Variants in EXOSC10 observed in about 807,000 individuals in gnomAD.
EXOSC10 encodes exosome component 10.
In EXOSC10, 94 loss-of-function variants were observed where a neutral mutation model predicts 126.6. The ratio of observed to expected loss-of-function variants is 0.74; its 90% CI spans 0.63 to 0.88. EXOSC10 has a LOEUF of 0.88. Among genes scored for constraint, EXOSC10 ranks in the 40% least tolerant of loss-of-function variants. The pLI is 0.00. For synonymous variants in EXOSC10, 395 were observed against 400.8 expected (o/e 0.99, Z 0.17); for missense variants, 1,041 against 1,100.5 (o/e 0.95, Z 0.77).
rs1247938708 is a variant in EXOSC10 at position 11,076,895 on chromosome 1, TATC to T, written c.1930_1932del (p.Asp644del). The T allele has an allele frequency of 3.7e-6, 6 of 1,614,040 alleles. No individual in the cohort carries two copies. Among genetic ancestry groups the T allele is most frequent in the Non-Finnish European group, 5.1e-6 (6 of 1,180,046 alleles). Reference sequence around the variant, plus strand: ...ATCAGGCATGTGGTACCCAGCAAGTTATCTTCTTTTTCATCAGGGAAGAGGCTC... The same window carrying T: ...ATCAGGCATGTGGTACCCAGCAAGTTTTCTTTTTCATCAGGGAAGAGGCTC... On this transcript the variant is annotated inframe_deletion, in exon 17 of 25. Transcript: ENST00000376936.
chr1:11,082,440 G>A, intron 10 of EXOSC10: 2 of 857,068 alleles, frequency 2.3e-6, no homozygotes, highest in Non-Finnish European at 3.3e-6. Flanking sequence ...AAATACTGGT[G>A]CGGCACCTCT....
rs892169168 is a variant in EXOSC10 at position 11,077,666 on chromosome 1, G to A, written c.1750-15C>T. ...GCAACTTCAGACTAAGGAAAAAAACGAAGGGAATTGAGGAAAGTTGCCCAA... is the reference window on the plus strand; with the variant it reads ...GCAACTTCAGACTAAGGAAAAAAACAAAGGGAATTGAGGAAAGTTGCCCAA... On this transcript the variant is annotated splice_polypyrimidine_tract_variant and intron_variant, in intron 14 of 24. Transcript: ENST00000376936. 6.2e-6 allele frequency: 10 copies of A among 1,602,460 alleles called. No homozygotes were observed. The highest frequency in any genetic ancestry group is 4.0e-5 in the African/African-American group (3 of 74,678).
chr1:11,080,476 T>A (rs1640080984), intron 13 of EXOSC10, 23 bp downstream of exon 13: 1 of 1,612,698 alleles, frequency 6.2e-7, no homozygotes, highest in African/African-American at 1.3e-5. Flanking sequence ...AGTCAGAACA[T>A]ATTAATCAGA....
chr1:11,089,725 G>T (rs1640699697), intron 6 of EXOSC10, among the ~76,000 whole-genome samples: 1 of 152,146 alleles, frequency 6.6e-6, no homozygotes, highest in Non-Finnish European at 1.5e-5. Flanking sequence ...AACCCTTTGG[G>T]AGGGCAGGTT....
intron 3 of EXOSC10, among the ~76,000 whole-genome samples, chr1:11,095,095 C>T (rs996425790): frequency 2.6e-5 from 4 of 151,570 alleles, no homozygotes; most frequent in African/African-American, 7.3e-5. Flanking sequence ...GCCTGTAATC[C>T]CAGCTACTCC....
intron 9 of EXOSC10, among the ~76,000 whole-genome samples, chr1:11,086,711 G>A (rs965966002): frequency 1.3e-5 from 2 of 152,140 alleles, no homozygotes; most frequent in Non-Finnish European, 2.9e-5. Context: ...ACCTGCTCCT[G>A]AATGACTACT....
intron 23 of EXOSC10, chr1:11,068,388 G>T: frequency 3.4e-6 from 2 of 591,816 alleles, no homozygotes; most frequent in Non-Finnish European, 6.0e-6. Context: ...CAAAGGGGGT[G>T]CTTTTGGCCT....
rs574211365 is a variant in EXOSC10, at chr1:11,099,839, G to T, written c.-8C>A. The T allele has an allele frequency of 7.5e-6, 12 of 1,596,536 alleles. No homozygotes were observed. The East Asian group carries it at 2.7e-4, about 37-fold the overall frequency. On this transcript the variant is annotated 5_prime_UTR_variant, in exon 1 of 25. It adds an upstream start codon to the 5' untranslated region. Transcript: ENST00000376936. ...GGTACTGGGTGGCGCCATTTTTTCA[G>T]CCTGCACGGCTCGTCTCGCGAGAGC... is the stretch of plus-strand genomic sequence containing the variant.
At chr1:11,094,603 C>CTTTTTT (rs772853273) in intron 3 of EXOSC10, among the ~76,000 whole-genome samples, 2 of 128,050 alleles carry the variant, frequency 1.6e-5, no homozygotes, top group Admixed American at 1.6e-4. Flanking sequence ...GCCAGGCCAC[C>CTTTTTT]TTTTTTTTTT....
rs1640222585 is a variant in EXOSC10 at position 11,082,446 on chromosome 1, C to T, written c.1280+242G>A. 4 of 939,852 alleles carry T rather than the reference C, an allele frequency of 4.3e-6. No individual in the cohort carries two copies. The Admixed American group carries it at 1.0e-4, about 24-fold the overall frequency. The allele number at this position is 939,852 out of a possible 1,614,324, so 58.2% of individuals were successfully genotyped here. On this transcript the variant is annotated intron_variant, in intron 10 of 24. Transcript: ENST00000376936. ...AGCATGGGCAAATACTGGTGCGGCACCTCTTTTTCAACCACTATTTCCATG... is the reference window on the plus strand; with the variant it reads ...AGCATGGGCAAATACTGGTGCGGCATCTCTTTTTCAACCACTATTTCCATG...
intron 9 of EXOSC10, among the ~76,000 whole-genome samples, chr1:11,083,279 A>T (rs1390651761): frequency 6.6e-6 from 1 of 152,152 alleles, no homozygotes; most frequent in African/African-American, 2.4e-5. Context: ...GATTAGATAT[A>T]TGCAGCTGGG....
chr1:11,097,357 G>A (rs1457870927), intron 2 of EXOSC10, among the ~76,000 whole-genome samples: 1 of 148,262 alleles, frequency 6.7e-6, no homozygotes, highest in Non-Finnish European at 1.5e-5. Context: ...CAGCCTGGGT[G>A]ATGGAGCGAG....
intron 1 of EXOSC10, 158 bp downstream of exon 1, chr1:11,099,563 C>A: frequency 1.4e-6 from 1 of 697,978 alleles, no homozygotes; most frequent in Non-Finnish European, 2.2e-6. Context: ...GCCCCATCCC[C>A]GGAGGGTGCA....
At position 11,066,879 on chromosome 1, in the gene EXOSC10, C is replaced by T. The variant is rs945160285; in HGVS notation, c.2628-131G>A. On this transcript the variant is annotated intron_variant, in intron 24 of 24. Coordinates refer to ENST00000376936, the MANE Select transcript of EXOSC10 (RefSeq NM_001001998.3). ...TGGTTTGCTCAGGGGCCCCAGAGAA[C>T]TCGGCGGCCCACCAGAGTTGGCTGA... The T allele has an allele frequency of 4.9e-6, 5 of 1,027,646 alleles. No individual in the cohort carries two copies. The East Asian group carries it at 9.6e-5, about 20-fold the overall frequency. The allele number at this position is 1,027,646 out of a possible 1,614,324, so 63.7% of individuals were successfully genotyped here. A position where few individuals can be genotyped will look rare whatever the true frequency, so the allele number is the denominator to read the frequency against.
In EXOSC10 at chr1:11,099,857, G is replaced by A. The variant is rs776325512; in HGVS notation, c.-26C>T. ...TTTTTCAGCCTGCACGGCTCGTCTC[G>A]CGAGAGCTTGTCGGCCGAGGAGACG... On this transcript the variant is annotated 5_prime_UTR_variant, in exon 1 of 25. Coordinates refer to ENST00000376936, the MANE Select transcript of EXOSC10 (RefSeq NM_001001998.3). The A allele has an allele frequency of 6.3e-7, 1 of 1,576,478 alleles. No individual in the cohort carries two copies. The highest frequency in any genetic ancestry group is 1.1e-5 in the South Asian group (1 of 87,764).
In EXOSC10 at chr1:11,081,133, C is replaced by CTGCCCGT; in HGVS notation, c.1379_1385dup (p.Pro463ArgfsTer29). 1 of 1,614,196 alleles carries CTGCCCGT rather than the reference C, an allele frequency of 6.2e-7. No homozygotes were observed. The highest frequency in any genetic ancestry group is 8.5e-7 in the Non-Finnish European group (1 of 1,180,036). On this transcript the variant is annotated frameshift_variant, in exon 11 of 25. Coordinates refer to ENST00000376936, the MANE Select transcript of EXOSC10 (RefSeq NM_001001998.3). LOFTEE classifies it high-confidence loss of function. The stretch of plus-strand genomic sequence containing the variant: ...GCCACACCACCTGCAGCTGCACCGG[C>CTGCCCGT]TGCCCGTTGCCGCGCTCCCACATCT...
At chr1:11,082,391 TAGAAAG>T (rs1640219421) in intron 10 of EXOSC10, 2 of 457,430 alleles carry the variant, frequency 4.4e-6, no homozygotes, top group African/African-American at 3.9e-5. Context: ...AATCATCTGG[TAGAAAG>T]ATCCCAGTTT....
At chr1:11,090,252 C>A (rs1640727488) in intron 6 of EXOSC10, among the ~76,000 whole-genome samples, 1 of 152,152 alleles carries the variant, frequency 6.6e-6, no homozygotes, top group South Asian at 2.1e-4. Flanking sequence ...CCGGTCTCAG[C>A]CTCCCAAAGT....
chr1:11,068,121 C>A (rs750268062), intron 23 of EXOSC10, 37 bp from the exon 24 acceptor site: 3 of 1,564,322 alleles, frequency 1.9e-6, no homozygotes, highest in Non-Finnish European at 2.6e-6. Flanking sequence ...TGGGTGGGCA[C>A]CTTGACCACA....
Sources: gnomAD v4.1 joint callset for allele counts (sites outside exome capture counted in the v4.1 genomes callset) on GRCh38, gnomAD v4.1.1 for gene constraint, MANE v1.5 for transcripts, NCBI Gene and HGNC (gene_info 2026-07-23, HGNC 2026-07-21) for gene names.